The following SLC4A10 variants were observed in gnomAD, a reference collection of about 807,000 sequenced individuals.
SLC4A10 encodes solute carrier family 4 member 10, also known as sodium-driven chloride bicarbonate exchanger.
SLC4A10 carries 42 observed loss-of-function variants against 137.7 expected under a neutral mutation model. That is an observed-to-expected ratio of 0.30 (90% confidence interval 0.24 to 0.39). The LOEUF is 0.39. SLC4A10 is among the 10% of genes least tolerant of loss of function. The pLI is 1.00. For missense variants in SLC4A10, 925 were observed against 1,355.0 expected, an observed-to-expected ratio of 0.68 and a Z score of 4.98; for synonymous variants, 474 against 464.1, an observed-to-expected ratio of 1.02 and a Z score of -0.27.
At chr2:161,726,224 AGAGTAACTATCAAATAATAGG>A (rs2046207532) in intron 1 of SLC4A10, among the ~76,000 whole-genome samples, 1 of 152,224 alleles carries the variant, frequency 6.6e-6, no homozygotes, top group Non-Finnish European at 1.5e-5. Context: ...AATAATAGTA[AGAGTAACTATCAAATAATAGG>A]GATACAAATA....
chr2:161,963,558 T>C (rs1454107589), intron 21 of SLC4A10, among the ~76,000 whole-genome samples: 2 of 152,130 alleles, frequency 1.3e-5, no homozygotes, highest in African/African-American at 4.8e-5. Flanking sequence ...TTGTTGGGGA[T>C]TAAAGGGACA....
chr2:161,629,182 C>T (rs186349316), intron 1 of SLC4A10, among the ~76,000 whole-genome samples: 1 of 151,970 alleles, frequency 6.6e-6, no homozygotes, highest in East Asian at 1.9e-4. Flanking sequence ...ATTTGACTTC[C>T]TGTGAGGACA....
chr2:161,904,481 G>A (rs1419754134), intron 13 of SLC4A10, among the ~76,000 whole-genome samples: 1 of 152,140 alleles, frequency 6.6e-6, no homozygotes, highest in Non-Finnish European at 1.5e-5. Flanking sequence ...CATTTGCTAT[G>A]TACCCGGGCC....
At chr2:161,698,984 G>T (rs2042850027) in intron 1 of SLC4A10, among the ~76,000 whole-genome samples, 1 of 152,046 alleles carries the variant, frequency 6.6e-6, no homozygotes, top group Non-Finnish European at 1.5e-5. Context: ...CTCAATTTCA[G>T]AGCCTGTTAT....
chr2:161,682,541 T>C (rs1458029384), intron 1 of SLC4A10, among the ~76,000 whole-genome samples: 1 of 152,130 alleles, frequency 6.6e-6, no homozygotes, highest in Non-Finnish European at 1.5e-5. Context: ...TGAGATGCTG[T>C]TTTGTTTATC....
At chr2:161,744,214 A>G (rs1480552153) in intron 1 of SLC4A10, among the ~76,000 whole-genome samples, 1 of 152,136 alleles carries the variant, frequency 6.6e-6, no homozygotes, top group Non-Finnish European at 1.5e-5. Context: ...TTCACATCTT[A>G]GAAAAAAGGC....
At chr2:161,958,752 C>A (rs12466127) in intron 21 of SLC4A10, among the ~76,000 whole-genome samples, 197 bp downstream of exon 21, 40,752 of 152,036 alleles carry the variant, frequency 0.27, 6,991 homozygotes, top group Admixed American at 0.39. Flanking sequence ...TCTTATGGTA[C>A]TTTTCTTTAT....
At chr2:161,879,835 G>A (rs934095246) in intron 9 of SLC4A10, among the ~76,000 whole-genome samples, 3 of 151,976 alleles carry the variant, frequency 2.0e-5, no homozygotes, top group African/African-American at 4.8e-5. Context: ...AAGTATTATC[G>A]CAGTGTGGTT....
chr2:161,710,769 A>G (rs751202177), intron 1 of SLC4A10: 31 of 452,228 alleles, frequency 6.9e-5, no homozygotes, highest in Admixed American at 1.7e-4. Context: ...GCCTATAAAA[A>G]CTATTTGAGT....
At chr2:161,767,231 T>TAC (rs1351898357) in intron 1 of SLC4A10, among the ~76,000 whole-genome samples, 3 of 99,544 alleles carry the variant, frequency 3.0e-5, no homozygotes, top group Admixed American at 2.0e-4. Context: ...TATATATATA[T>TAC]ACACATATAT....
intron 1 of SLC4A10, among the ~76,000 whole-genome samples, chr2:161,725,709 G>A (rs1290736382): frequency 1.3e-5 from 2 of 152,172 alleles, no homozygotes; most frequent in Non-Finnish European, 2.9e-5. Context: ...ATTTTAAAAA[G>A]TGGGGATTTA....
chr2:161,731,192 A>T (rs1273390802), intron 1 of SLC4A10, among the ~76,000 whole-genome samples: 2 of 152,142 alleles, frequency 1.3e-5, no homozygotes, highest in Non-Finnish European at 2.9e-5. Context: ...TTAAATGAGA[A>T]TCTCTTTTTA....
At chr2:161,811,272 C>G (rs898503774) in intron 3 of SLC4A10, among the ~76,000 whole-genome samples, 3 of 151,802 alleles carry the variant, frequency 2.0e-5, no homozygotes, top group Non-Finnish European at 4.4e-5. Context: ...GTTAATCTAA[C>G]TAGTAGTCTA....
intron 3 of SLC4A10, among the ~76,000 whole-genome samples, chr2:161,838,898 T>C (rs900583860): frequency 2.0e-5 from 3 of 152,176 alleles, no homozygotes; most frequent in Non-Finnish European, 4.4e-5. Context: ...TGGAAAGCAG[T>C]TTGGCAGTGT....
chr2:161,894,225 C>T (rs1298243661), intron 10 of SLC4A10, among the ~76,000 whole-genome samples: 1 of 151,966 alleles, frequency 6.6e-6, no homozygotes, highest in Non-Finnish European at 1.5e-5. Flanking sequence ...CTAACATAAC[C>T]TTAGTATTAT....
At chr2:161,795,522 T>A (rs1297222471) in intron 2 of SLC4A10, among the ~76,000 whole-genome samples, 1 of 152,118 alleles carries the variant, frequency 6.6e-6, no homozygotes, top group Admixed American at 6.6e-5. Flanking sequence ...CAAAGCTTCC[T>A]AATGCCTTTA....
intron 1 of SLC4A10, among the ~76,000 whole-genome samples, chr2:161,661,999 G>C (rs1259907553): frequency 2.0e-5 from 3 of 152,012 alleles, no homozygotes; most frequent in Non-Finnish European, 4.4e-5. Context: ...ACGCTTTATG[G>C]AGATATTCTA....
chr2:161,634,638 A>G lies in SLC4A10; in HGVS notation c.48+10072A>G, dbSNP rs188840287. Among the ~76,000 whole-genome samples the G allele has an allele frequency of 3.4e-3, 520 of 152,156 alleles. 2 individuals carry two copies. Among genetic ancestry groups the G allele is most frequent in the Admixed American group, 5.8e-3 (89 of 15,260 alleles). On this transcript the variant is annotated intron_variant, in intron 1 of 26. Coordinates refer to ENST00000446997, the MANE Select transcript of SLC4A10 (RefSeq NM_001178015.2). ...TATGATATGATGTTTTGATACAAGT[A>G]TACGTTGTATAATAATCAAATAAGG...
At chr2:161,854,068 G>T (rs2059971667) in intron 4 of SLC4A10, among the ~76,000 whole-genome samples, 1 of 152,058 alleles carries the variant, frequency 6.6e-6, no homozygotes, top group African/African-American at 2.4e-5. Flanking sequence ...GAGAGAAATT[G>T]GGGTCAAAAA....
Sources: gnomAD v4.1 joint callset for allele counts (sites outside exome capture counted in the v4.1 genomes callset) on GRCh38, gnomAD v4.1.1 for gene constraint, MANE v1.5 for transcripts, NCBI Gene and HGNC (gene_info 2026-07-23, HGNC 2026-07-21) for gene names.